Variants in MRPS18A observed in about 807,000 individuals in gnomAD.
MRPS18A encodes large ribosomal subunit protein mL66.
A neutral mutation model predicts 22.7 loss-of-function variants in MRPS18A; 20 were observed. The observed-to-expected ratio is 0.88, with a 90% CI of 0.62 to 1.28. The LOEUF (loss-of-function observed/expected upper bound fraction) is 1.28. Among genes scored for constraint, MRPS18A ranks in the 50% most tolerant of loss-of-function variants. The pLI, the probability that MRPS18A is intolerant of heterozygous loss-of-function variation, is 0.00. For missense variants in MRPS18A, 294 were observed against 262.6 expected, an observed-to-expected ratio of 1.12 and a Z score of -0.83; for synonymous variants, 106 against 99.1, an observed-to-expected ratio of 1.07 and a Z score of -0.41.
intron 3 of MRPS18A, 81 bp downstream of exon 3, chr6:43,678,437 G>A (rs766759505): frequency 8.7e-6 from 9 of 1,031,906 alleles, no homozygotes; most frequent in South Asian, 2.6e-5. Flanking sequence ...TAGCTACAGC[G>A]GGGACATGCT....
intron 3 of MRPS18A, among the ~76,000 whole-genome samples, chr6:43,677,297 C>T (rs1417576103): frequency 6.6e-6 from 1 of 152,118 alleles, no homozygotes; most frequent in Non-Finnish European, 1.5e-5. Flanking sequence ...CAGAAAGAAC[C>T]CCCCCAACCC....
Position 43,687,670 on chromosome 6 carries a change from T to A in MRPS18A, c.110A>T (p.Glu37Val). 6.4e-7 allele frequency: 1 copy of A among 1,568,702 alleles called. No homozygotes were observed. Among genetic ancestry groups the A allele is most frequent in the South Asian group, 1.2e-5 (1 of 85,422 alleles). The change falls in exon 1 of 6, where the codon GAA (glutamate) becomes GTA (valine). Residue 37 changes from glutamate to valine, a missense_variant and splice_region_variant. Glu to Val is a moderately radical substitution (Grantham distance 121). Coordinates refer to ENST00000372133, the MANE Select transcript of MRPS18A (RefSeq NM_018135.4). Reference sequence around the variant, plus strand: ...GGTTGCTGGGACGCATGACTCACCTTCCCTGAACCCGCGAGCTGGAAGCCG... The same window carrying A: ...GGTTGCTGGGACGCATGACTCACCTACCCTGAACCCGCGAGCTGGAAGCCG... Reference protein sequence around the residue: ...WSRLPARGFREVVETQEGKTT... With the variant: ...WSRLPARGFRVVVETQEGKTT...
At chr6:43,677,822 A>G (rs1055842657) in intron 3 of MRPS18A, among the ~76,000 whole-genome samples, 2 of 152,210 alleles carry the variant, frequency 1.3e-5, no homozygotes, top group African/African-American at 4.8e-5. Context: ...TCAGTGCCCG[A>G]CAGAGTATGC....
At chr6:43,678,369 G>T (rs72859041) in intron 3 of MRPS18A, 149 bp downstream of exon 3, 6 of 617,666 alleles carry the variant, frequency 9.7e-6, no homozygotes, top group Non-Finnish European at 1.5e-5. Context: ...GTGCAGCCAG[G>T]GTTGAGAACA....
intron 1 of MRPS18A, among the ~76,000 whole-genome samples, chr6:43,682,389 T>C (rs1217936648): frequency 6.6e-6 from 1 of 152,174 alleles, no homozygotes; most frequent in Non-Finnish European, 1.5e-5. Flanking sequence ...GCAGCATCTG[T>C]GATCACTGAG....
At chr6:43,681,194 T>C (rs1774390762) in intron 1 of MRPS18A, 74 bp from the exon 2 acceptor site, 1 of 1,472,502 alleles carries the variant, frequency 6.8e-7, no homozygotes, top group African/African-American at 1.4e-5. Context: ...ACAGCTCAAA[T>C]TCTACACATC....
At chr6:43,672,064 C>T (rs758790313) in intron 5 of MRPS18A, 158 bp from the exon 6 acceptor site, 12 of 868,350 alleles carry the variant, frequency 1.4e-5, no homozygotes, top group Non-Finnish European at 1.7e-5. Context: ...CTGGGAGTAA[C>T]TGCTGAGCGT....
chr6:43,683,416 C>T (rs556809806), intron 1 of MRPS18A, among the ~76,000 whole-genome samples: 7 of 152,160 alleles, frequency 4.6e-5, no homozygotes, highest in East Asian at 1.9e-4. Context: ...TTAAGCCCCT[C>T]GAAAGAGGAG....
At chr6:43,683,912 C>G (rs1774548035) in intron 1 of MRPS18A, among the ~76,000 whole-genome samples, 1 of 152,100 alleles carries the variant, frequency 6.6e-6, no homozygotes, top group South Asian at 2.1e-4. Flanking sequence ...CCTTTGAGTA[C>G]TTCAGTAAAT....
At position 43,671,894 on chromosome 6, in the gene MRPS18A, G is replaced by C. The variant is rs763372831; in HGVS notation, c.459C>G (p.Arg153=). Residue 153 remains arginine, a synonymous_variant, in exon 6 of 6, where the codon CGC becomes CGG. Coordinates refer to ENST00000372133, the MANE Select transcript of MRPS18A (RefSeq NM_018135.4). ...SKPQLNRYLT[R]WAPGSVKPIY... The stretch of plus-strand genomic sequence containing the variant: ...TGGGCTTGACGGAGCCAGGAGCCCA[G>C]CGCGTCAGGTACCTGTGGAGGGAGA... 6.2e-7 allele frequency: 1 copy of C among 1,610,160 alleles called. No individual in the cohort carries two copies. Among genetic ancestry groups the C allele is most frequent in the Non-Finnish European group, 8.5e-7 (1 of 1,178,120 alleles).
At chr6:43,680,551 C>T (rs1233578361) in intron 2 of MRPS18A, among the ~76,000 whole-genome samples, 1 of 152,162 alleles carries the variant, frequency 6.6e-6, no homozygotes. Context: ...GTGGGATGGG[C>T]CCAGGGAGGG....
At chr6:43,678,370 G>T in intron 3 of MRPS18A, 148 bp downstream of exon 3, 1 of 627,650 alleles carries the variant, frequency 1.6e-6, no homozygotes, top group Non-Finnish European at 2.9e-6. Flanking sequence ...TGCAGCCAGG[G>T]TTGAGAACAA....
intron 3 of MRPS18A, among the ~76,000 whole-genome samples, chr6:43,676,794 C>T (rs1400623926): frequency 1.3e-5 from 2 of 152,234 alleles, no homozygotes; most frequent in Non-Finnish European, 2.9e-5. Flanking sequence ...AGGCGCCTTG[C>T]TGCATAACTG....
At chr6:43,674,879 C>T (rs557108396) in intron 5 of MRPS18A, among the ~76,000 whole-genome samples, 3 of 152,276 alleles carry the variant, frequency 2.0e-5, no homozygotes, top group East Asian at 1.9e-4. Context: ...ATAACCCCAG[C>T]GCTGGAGAGA....
At chr6:43,681,688 G>A (rs1487197475) in intron 1 of MRPS18A, among the ~76,000 whole-genome samples, 3 of 152,206 alleles carry the variant, frequency 2.0e-5, no homozygotes, top group Non-Finnish European at 4.4e-5. Flanking sequence ...TCTTCTCCCT[G>A]CAGGGTTGCA....
intron 1 of MRPS18A, among the ~76,000 whole-genome samples, chr6:43,686,657 T>C (rs1190970867): frequency 6.6e-6 from 1 of 152,208 alleles, no homozygotes; most frequent in Non-Finnish European, 1.5e-5. Context: ...CTGACAACAA[T>C]GATCACTCTT....
In MRPS18A at chr6:43,687,706, G is replaced by A; in HGVS notation, c.74C>T (p.Thr25Ile). Residue 25 changes from threonine to isoleucine, a missense_variant, in exon 1 of 6, where the codon ACC becomes ATC. Physicochemically the swap from Thr to Ile is moderately conservative, Grantham distance 89. Transcript: ENST00000372133. The stretch of plus-strand genomic sequence containing the variant: ...GCGAGCTGGAAGCCGAGACCAGCTG[G>A]TCGCTGCCGGGCCCGCTAGTAGCCC... ...LRGLLAGPAA[T>I]SWSRLPARGF... 2 of 1,585,154 alleles carry A rather than the reference G, an allele frequency of 1.3e-6. No homozygotes were observed. The highest frequency in any genetic ancestry group is 1.7e-6 in the Non-Finnish European group (2 of 1,165,924).
In MRPS18A at chr6:43,674,988, C is replaced by A. The variant is rs1364385869; in HGVS notation, c.446+214G>T. ...CACATTCTAATGCCCAATCAGCAGG[C>A]CTCTACCCTCCTTGCGCCTTTGCTA... is the stretch of plus-strand genomic sequence containing the variant. On this transcript the variant is annotated intron_variant, in intron 5 of 5. Coordinates refer to ENST00000372133, the MANE Select transcript of MRPS18A (RefSeq NM_018135.4). 2.0e-5 allele frequency among the ~76,000 whole-genome samples: 3 copies of A among 152,200 alleles called. No individual in the cohort carries two copies. In the East Asian group the frequency reaches 5.8e-4, roughly 29 times the overall value.
At chr6:43,678,003 A>T (rs528920481) in intron 3 of MRPS18A, among the ~76,000 whole-genome samples, 2 of 152,144 alleles carry the variant, frequency 1.3e-5, no homozygotes, top group African/African-American at 2.4e-5. Flanking sequence ...CACCCTCATC[A>T]TAAAAGAGGA....
Sources: allele counts gnomAD v4.1 joint callset (sites outside exome capture counted in the v4.1 genomes callset), GRCh38; gene constraint gnomAD v4.1.1; transcripts MANE v1.5; gene names NCBI Gene and HGNC (gene_info 2026-07-23, HGNC 2026-07-21).